Variants in NUP214 observed in about 807,000 individuals in gnomAD.
The protein encoded by NUP214 is nuclear pore complex protein Nup214.
In NUP214, 79 loss-of-function variants were observed where a neutral mutation model predicts 196.2. The observed-to-expected ratio is 0.40, with a 90% confidence interval of 0.34 to 0.49. The LOEUF (loss-of-function observed/expected upper bound fraction) is 0.49. NUP214 is among the 20% of genes least tolerant of loss of function. NUP214 has a pLI of 0.58. For synonymous variants in NUP214, 1,020 were observed against 990.5 expected (o/e 1.03, Z -0.56); for missense variants, 2,468 against 2,539.0 (o/e 0.97, Z 0.60).
intron 11 of NUP214, among the ~76,000 whole-genome samples, chr9:131,141,138 C>CA (rs5900924): frequency 0.29 from 37,810 of 132,270 alleles, 4,908 homozygotes; most frequent in East Asian, 0.49. Flanking sequence ...AATACATCAC[C>CA]AAAAAAAAAA....
intron 29 of NUP214, among the ~76,000 whole-genome samples, chr9:131,199,239 T>C (rs1216829317): frequency 6.6e-6 from 1 of 152,168 alleles, no homozygotes; most frequent in Non-Finnish European, 1.5e-5. Flanking sequence ...TCTTAGCAAA[T>C]TGTCCACTCT....
intron 24 of NUP214, among the ~76,000 whole-genome samples, chr9:131,182,171 A>G (rs1202196900): frequency 1.3e-5 from 2 of 152,248 alleles, no homozygotes; most frequent in Admixed American, 6.5e-5. Flanking sequence ...GCACTTAAAA[A>G]TGGTTACTTT....
intron 17 of NUP214, among the ~76,000 whole-genome samples, chr9:131,157,724 C>G (rs914722459): frequency 6.6e-6 from 1 of 152,036 alleles, no homozygotes; most frequent in Non-Finnish European, 1.5e-5. Flanking sequence ...CAGCTCACTG[C>G]GACTTCCACC....
Position 131,150,478 on chromosome 9 carries a change from C to T in NUP214, c.2127+68C>T. On this transcript the variant is annotated intron_variant, in intron 15 of 35. Coordinates refer to ENST00000359428, the MANE Select transcript of NUP214 (RefSeq NM_005085.4). ...AGACTTGGATGGGTCAGAGTGCCAA[C>T]CCCTGTATGACTAGTTAGTTCATTC... The T allele has an allele frequency of 3.2e-6, 5 of 1,578,364 alleles. No homozygotes were observed. The South Asian group carries it at 5.5e-5, about 17-fold the overall frequency.
rs747742159 is a variant in NUP214 at position 131,233,646 on chromosome 9, T to C, written c.*159T>C. On this transcript the variant is annotated 3_prime_UTR_variant, in exon 36 of 36. Coordinates refer to ENST00000359428, the MANE Select transcript of NUP214 (RefSeq NM_005085.4). ...CAAAACTCACAAGGCGCATGATTAC[T>C]TGTTTTATATTTCATGTTGGGTTTT... The C allele has an allele frequency of 4.6e-5, 35 of 758,584 alleles. No individual in the cohort carries two copies. The highest frequency in any genetic ancestry group is 3.4e-4 in the South Asian group (23 of 68,040). 47.0% of individuals were successfully genotyped at this position (758,584 alleles called of 1,614,324 possible).
chr9:131,159,342 CAG>C (rs1207941858), intron 17 of NUP214, 39 bp from the exon 18 acceptor site: 1 of 1,450,338 alleles, frequency 6.9e-7, no homozygotes, highest in East Asian at 2.3e-5. Flanking sequence ...CCCAAACTAT[CAG>C]AAAAACAAGT....
chr9:131,139,514 TG>T (rs1831846227), intron 10 of NUP214, 107 bp downstream of exon 10: 1 of 1,491,766 alleles, frequency 6.7e-7, no homozygotes, highest in Admixed American at 2.3e-5. Flanking sequence ...GCTGGGCACT[TG>T]TAGCTTCTGG....
chr9:131,201,150 A>G (rs1440203095), intron 29 of NUP214, among the ~76,000 whole-genome samples: 1 of 149,642 alleles, frequency 6.7e-6, no homozygotes, highest in Non-Finnish European at 1.5e-5. Context: ...GGGCTATCTT[A>G]GCACACCTGA....
chr9:131,214,810 G>T (rs1357333686), intron 30 of NUP214, among the ~76,000 whole-genome samples: 2 of 152,222 alleles, frequency 1.3e-5, no homozygotes, highest in East Asian at 3.8e-4. Context: ...AATGAGTTCA[G>T]CCAAACGCTG....
chr9:131,144,056 G>A (rs572037588), intron 11 of NUP214, among the ~76,000 whole-genome samples: 1 of 152,290 alleles, frequency 6.6e-6, no homozygotes, highest in East Asian at 1.9e-4. Flanking sequence ...AGTCCATGAA[G>A]TCCAATTATT....
At chr9:131,147,663 C>A in intron 14 of NUP214, 79 bp downstream of exon 14, 1 of 1,099,742 alleles carries the variant, frequency 9.1e-7, no homozygotes, top group Non-Finnish European at 1.4e-6. Context: ...AATGAGTTTT[C>A]ATGTTTTATA....
At chr9:131,137,959 G>A (rs1158152608) in intron 9 of NUP214, among the ~76,000 whole-genome samples, 2 of 152,120 alleles carry the variant, frequency 1.3e-5, no homozygotes, top group Admixed American at 6.5e-5. Flanking sequence ...TTGTAAAATT[G>A]CATTCTGTCC....
intron 27 of NUP214, chr9:131,193,799 GCAC>G (rs1464075097): frequency 1.3e-5 from 2 of 151,230 alleles, no homozygotes; most frequent in Non-Finnish European, 2.9e-5. Flanking sequence ...TCACAGGTGT[GCAC>G]CACCACACCC....
chr9:131,210,622 A>G (rs1005872692), intron 30 of NUP214, among the ~76,000 whole-genome samples: 5 of 151,748 alleles, frequency 3.3e-5, no homozygotes, highest in Non-Finnish European at 5.9e-5. Flanking sequence ...GCGAGACTCC[A>G]TCTCAAAAAA....
intron 19 of NUP214, among the ~76,000 whole-genome samples, chr9:131,163,549 G>T (rs1283667046): frequency 6.6e-6 from 1 of 152,058 alleles, no homozygotes. Context: ...TGAATGGGGG[G>T]ACTTTCAGAC....
intron 23 of NUP214, 59 bp from the exon 24 acceptor site, chr9:131,178,252 A>C: frequency 1.5e-6 from 2 of 1,371,606 alleles, no homozygotes; most frequent in Non-Finnish European, 2.1e-6. Flanking sequence ...ATATGTGGCT[A>C]GAACTTTTTA....
chr9:131,179,970 TG>T (rs1833226430), intron 24 of NUP214, among the ~76,000 whole-genome samples: 1 of 152,210 alleles, frequency 6.6e-6, no homozygotes, highest in African/African-American at 2.4e-5. Context: ...ACTCAGCATA[TG>T]GTACAGGAAG....
chr9:131,186,886 G>T (rs1046685671), intron 24 of NUP214, among the ~76,000 whole-genome samples: 3 of 152,184 alleles, frequency 2.0e-5, no homozygotes, highest in Admixed American at 2.0e-4. Flanking sequence ...CAGCGAATTG[G>T]ATGCATAGGT....
intron 21 of NUP214, chr9:131,165,138 A>G (rs1832751385): frequency 6.6e-6 from 1 of 152,208 alleles, no homozygotes; most frequent in South Asian, 2.1e-4. Context: ...AGAATAAAAA[A>G]TATTAGCTGA....
Sources: allele counts gnomAD v4.1 joint callset (sites outside exome capture counted in the v4.1 genomes callset), GRCh38; gene constraint gnomAD v4.1.1; transcripts MANE v1.5; gene names NCBI Gene and HGNC (gene_info 2026-07-23, HGNC 2026-07-21).